The following LRRC58 variants were observed in gnomAD, a reference collection of about 807,000 sequenced individuals.
LRRC58 encodes leucine rich repeat containing 58.
A neutral mutation model predicts 30.6 loss-of-function variants in LRRC58; 18 were observed. The observed-to-expected ratio is 0.59, with a 90% CI of 0.41 to 0.87. The LOEUF is 0.87. Among genes scored for constraint, LRRC58 ranks in the 40% least tolerant of loss-of-function variants. LRRC58 has a pLI of 0.00. For synonymous variants in LRRC58, 221 were observed against 206.0 expected (o/e 1.07, Z -0.62); for missense variants, 420 against 468.4 (o/e 0.90, Z 0.95).
Position 120,331,137 on chromosome 3 carries a change from T to C in LRRC58, c.*63A>G. Reference sequence around the variant, plus strand: ...AAGATTTCTAGTGAACTTCAAGCTCTATTTTCTTGTCTAACCATTTTGCTC... The same window carrying C: ...AAGATTTCTAGTGAACTTCAAGCTCCATTTTCTTGTCTAACCATTTTGCTC... On this transcript the variant is annotated 3_prime_UTR_variant, in exon 4 of 4. Coordinates refer to ENST00000295628, the MANE Select transcript of LRRC58 (RefSeq NM_001099678.2). 1 of 1,382,806 alleles carries C rather than the reference T, an allele frequency of 7.2e-7. No homozygotes were observed. The highest frequency in any genetic ancestry group is 1.0e-6 in the Non-Finnish European group (1 of 973,258). The allele number at this position is 1,382,806 out of a possible 1,614,324, so 85.7% of individuals were successfully genotyped here.
intron 1 of LRRC58, among the ~76,000 whole-genome samples, chr3:120,347,690 C>T (rs987208174): frequency 5.9e-5 from 9 of 151,306 alleles, no homozygotes; most frequent in Middle Eastern, 3.5e-3. Flanking sequence ...CGCGCCCGGC[C>T]TTCCCAGGCC....
chr3:120,342,290 T>C (rs2107626103), intron 1 of LRRC58, among the ~76,000 whole-genome samples: 1 of 152,286 alleles, frequency 6.6e-6, no homozygotes, highest in Middle Eastern at 3.4e-3. Flanking sequence ...TCTCCCCGCC[T>C]GCCCATGGTC....
chr3:120,340,760 G>C (rs1332080452), intron 1 of LRRC58, among the ~76,000 whole-genome samples: 1 of 152,060 alleles, frequency 6.6e-6, no homozygotes, highest in African/African-American at 2.4e-5. Context: ...AGCCAGGCGA[G>C]GTGGCAGGCA....
intron 3 of LRRC58, among the ~76,000 whole-genome samples, chr3:120,334,275 T>C (rs1051607668): frequency 9.2e-5 from 14 of 151,930 alleles, no homozygotes; most frequent in African/African-American, 2.7e-4. Context: ...GAGGCCGAGG[T>C]GGGCGGATCA....
Position 120,348,896 on chromosome 3 carries a change from C to A in LRRC58, c.348G>T (p.Ser116=). 6.3e-7 allele frequency: 1 copy of A among 1,579,022 alleles called. No individual in the cohort carries two copies. Reference sequence around the variant, plus strand: ...GCACCTGGAGGCTGCGGCAGAGCGGCGACTGGGCCAGGCCCTTGGGCAGCG... The same window carrying A: ...GCACCTGGAGGCTGCGGCAGAGCGGAGACTGGGCCAGGCCCTTGGGCAGCG... ...PSALPKGLAQ[S]PLCRSLQVLN... The change falls in exon 1 of 4, where the codon TCG becomes TCT. Residue 116 remains serine, a synonymous_variant. Coordinates refer to ENST00000295628, the MANE Select transcript of LRRC58 (RefSeq NM_001099678.2).
chr3:120,342,204 C>G (rs1935912758), intron 1 of LRRC58, among the ~76,000 whole-genome samples: 1 of 152,136 alleles, frequency 6.6e-6, no homozygotes, highest in Non-Finnish European at 1.5e-5. Context: ...AAGGCCCCAC[C>G]TTTGGACCAG....
chr3:120,340,458 C>A (rs1935891170), intron 1 of LRRC58, among the ~76,000 whole-genome samples: 1 of 152,178 alleles, frequency 6.6e-6, no homozygotes, highest in Non-Finnish European at 1.5e-5. Context: ...ATTAAAAATT[C>A]TTTGCCGATT....
intron 1 of LRRC58, among the ~76,000 whole-genome samples, chr3:120,343,245 T>G (rs1465910884): frequency 6.6e-6 from 1 of 152,238 alleles, no homozygotes; most frequent in African/African-American, 2.4e-5. Flanking sequence ...TCAGGCTTAT[T>G]TTTTACTTTC....
chr3:120,345,491 C>T (rs751680623), intron 1 of LRRC58, among the ~76,000 whole-genome samples: 1 of 152,198 alleles, frequency 6.6e-6, no homozygotes, highest in Non-Finnish European at 1.5e-5. Flanking sequence ...TAAACCTCCA[C>T]CTCTACATTT....
chr3:120,328,302 T>C lies in LRRC58; in HGVS notation c.*2898A>G, dbSNP rs924899694. ...TATTGCCCAGAATCTTAGCACTATT[T>C]CACCAATTCAGTTTGGTGATGCTGA... On this transcript the variant is annotated 3_prime_UTR_variant, in exon 4 of 4. Coordinates refer to ENST00000295628, the MANE Select transcript of LRRC58 (RefSeq NM_001099678.2). 2 of 152,184 alleles carry C rather than the reference T, an allele frequency of 1.3e-5. No homozygotes were observed. The highest frequency in any genetic ancestry group is 4.8e-5 in the African/African-American group (2 of 41,432). The allele number at this position is 152,184 out of a possible 1,614,324, so 9.4% of individuals were successfully genotyped here. A position where few individuals can be genotyped will look rare whatever the true frequency, so the allele number is the denominator to read the frequency against.
intron 3 of LRRC58, 45 bp from the exon 4 acceptor site, chr3:120,331,453 A>C: frequency 6.8e-7 from 1 of 1,463,712 alleles, no homozygotes; most frequent in South Asian, 1.2e-5. Flanking sequence ...AAAGCAAGGA[A>C]TCAATTTCTT....
chr3:120,333,312 A>C (rs1275204220), intron 3 of LRRC58, among the ~76,000 whole-genome samples: 1 of 152,184 alleles, frequency 6.6e-6, no homozygotes, highest in East Asian at 1.9e-4. Context: ...TTTCCAGAAA[A>C]GCATGAATTC....
chr3:120,348,095 G>A (rs577055669), intron 1 of LRRC58, among the ~76,000 whole-genome samples: 7 of 152,192 alleles, frequency 4.6e-5, no homozygotes, highest in Non-Finnish European at 1.0e-4. Context: ...AGGAATCACA[G>A]AGATGATTAA....
intron 1 of LRRC58, among the ~76,000 whole-genome samples, chr3:120,347,379 C>CTTTT (rs796116731): frequency 0.095 from 5,193 of 54,656 alleles, 1,328 homozygotes; most frequent in Admixed American, 0.21. Context: ...GGCCAATATT[C>CTTTT]TTTTTTTTTT....
At chr3:120,337,065 G>A (rs1253202740) in intron 1 of LRRC58, among the ~76,000 whole-genome samples, 1 of 152,042 alleles carries the variant, frequency 6.6e-6, no homozygotes, top group Non-Finnish European at 1.5e-5. Flanking sequence ...AATTCCCTAT[G>A]ATATTTTTAA....
rs1232178386 is a variant in LRRC58, at chr3:120,326,666, A to T, written c.*4534T>A. ...TATTTTGGACTAAATGGGGAGTAACATTCATAATGACAATAAAATCTCTAC... is the reference window on the plus strand; with the variant it reads ...TATTTTGGACTAAATGGGGAGTAACTTTCATAATGACAATAAAATCTCTAC... On this transcript the variant is annotated 3_prime_UTR_variant, in exon 4 of 4. Transcript: ENST00000295628. 6.6e-6 allele frequency: 1 copy of T among 152,236 alleles called. No individual in the cohort carries two copies. Among genetic ancestry groups the T allele is most frequent in the Non-Finnish European group, 1.5e-5 (1 of 68,046 alleles). 9.4% of individuals were successfully genotyped at this position (152,236 alleles called of 1,614,324 possible). A position where few individuals can be genotyped will look rare whatever the true frequency, so the allele number is the denominator to read the frequency against.
At position 120,325,043 on chromosome 3, in the gene LRRC58, A is replaced by G. The variant is rs1935654691; in HGVS notation, c.*6157T>C. The G allele has an allele frequency of 6.6e-6, 1 of 152,188 alleles. No individual in the cohort carries two copies. Among genetic ancestry groups the G allele is most frequent in the Admixed American group, 6.5e-5 (1 of 15,274 alleles). The allele number at this position is 152,188 out of a possible 1,614,324, so 9.4% of individuals were successfully genotyped here. A position where few individuals can be genotyped will look rare whatever the true frequency, so the allele number is the denominator to read the frequency against. Reference sequence around the variant, plus strand: ...AAAAACTTACAATGCTGCTTATCTAAAACTTTTCTCCCATTATGTTTTTGT... The same window carrying G: ...AAAAACTTACAATGCTGCTTATCTAGAACTTTTCTCCCATTATGTTTTTGT... On this transcript the variant is annotated 3_prime_UTR_variant, in exon 4 of 4. Transcript: ENST00000295628.
chr3:120,344,815 T>C (rs1935947319), intron 1 of LRRC58, among the ~76,000 whole-genome samples: 1 of 152,174 alleles, frequency 6.6e-6, no homozygotes, highest in Non-Finnish European at 1.5e-5. Context: ...TCAATTAATA[T>C]CTAACCTAAC....
chr3:120,332,429 A>G (rs1033060619), intron 3 of LRRC58, among the ~76,000 whole-genome samples: 5 of 152,196 alleles, frequency 3.3e-5, no homozygotes, highest in Admixed American at 6.5e-5. Flanking sequence ...AAAAGGCGAA[A>G]TTTGTGGTAC....
Sources: allele counts gnomAD v4.1 joint callset (sites outside exome capture counted in the v4.1 genomes callset), GRCh38; gene constraint gnomAD v4.1.1; transcripts MANE v1.5; gene names NCBI Gene and HGNC (gene_info 2026-07-23, HGNC 2026-07-21).